Variants in CACNA2D1 observed in about 807,000 individuals in gnomAD.
The protein encoded by CACNA2D1 is voltage-dependent calcium channel subunit alpha-2/delta-1.
Under a neutral mutation model 171.5 loss-of-function variants are expected in CACNA2D1, and 53 were observed. That is an observed-to-expected ratio of 0.31 (90% confidence interval 0.25 to 0.39). The LOEUF (loss-of-function observed/expected upper bound fraction) is 0.39. Among genes scored for constraint, CACNA2D1 ranks in the 10% least tolerant of loss-of-function variants. CACNA2D1 has a pLI of 1.00. For synonymous variants in CACNA2D1, 442 were observed against 443.1 expected, an observed-to-expected ratio of 1.00 and a Z score of 0.03; for missense variants, 903 against 1,299.8, an observed-to-expected ratio of 0.69 and a Z score of 4.69.
At chr7:82,357,266 A>G (rs1820537359) in intron 1 of CACNA2D1, among the ~76,000 whole-genome samples, 1 of 152,118 alleles carries the variant, frequency 6.6e-6, no homozygotes, top group Admixed American at 6.5e-5. Context: ...TTCAAAACGA[A>G]AAAAATATGG....
chr7:82,240,343 A>G (rs902069310), intron 3 of CACNA2D1, among the ~76,000 whole-genome samples: 19 of 152,194 alleles, frequency 1.2e-4, no homozygotes, highest in Admixed American at 1.2e-3. Context: ...ATATCCCTTC[A>G]TCTTCTCCAT....
At chr7:81,990,718 G>C (rs1189202341) in intron 21 of CACNA2D1, among the ~76,000 whole-genome samples, 2 of 152,122 alleles carry the variant, frequency 1.3e-5, no homozygotes, top group African/African-American at 4.8e-5. Context: ...GTTTTAGGCT[G>C]TCCAACTTTC....
chr7:82,086,466 A>G (rs2129013433), intron 6 of CACNA2D1, among the ~76,000 whole-genome samples: 1 of 152,248 alleles, frequency 6.6e-6, no homozygotes, highest in Non-Finnish European at 1.5e-5. Context: ...CGTGCATCTG[A>G]GATACTAGAG....
intron 1 of CACNA2D1, among the ~76,000 whole-genome samples, chr7:82,397,918 G>T (rs4140790): frequency 0.13 from 19,929 of 152,078 alleles, 1,748 homozygotes; most frequent in Admixed American, 0.27. Flanking sequence ...AAGGGGAAAA[G>T]AGCAAACTGG....
At chr7:82,375,219 C>G (rs774658136) in intron 1 of CACNA2D1, among the ~76,000 whole-genome samples, 20 of 152,156 alleles carry the variant, frequency 1.3e-4, no homozygotes, top group Non-Finnish European at 2.5e-4. Flanking sequence ...TGCACACACA[C>G]TGAAACACTG....
intron 3 of CACNA2D1, among the ~76,000 whole-genome samples, chr7:82,238,943 G>T (rs1166526375): frequency 6.6e-6 from 1 of 152,012 alleles, no homozygotes; most frequent in Non-Finnish European, 1.5e-5. Context: ...ACCCAAGATA[G>T]ATATGCAACA....
chr7:82,034,355 CT>C (rs948060273), intron 11 of CACNA2D1, among the ~76,000 whole-genome samples: 25 of 152,104 alleles, frequency 1.6e-4, no homozygotes, highest in African/African-American at 6.0e-4. Flanking sequence ...CCCATTTTCC[CT>C]TGTGAAAATT....
chr7:82,152,495 T>C (rs896502351), intron 4 of CACNA2D1, among the ~76,000 whole-genome samples: 2 of 152,068 alleles, frequency 1.3e-5, no homozygotes, highest in African/African-American at 2.4e-5. Flanking sequence ...GTATAGTTAC[T>C]TGAAATTCAA....
intron 1 of CACNA2D1, among the ~76,000 whole-genome samples, chr7:82,366,384 C>A (rs1042626251): frequency 6.6e-6 from 1 of 152,122 alleles, no homozygotes; most frequent in Non-Finnish European, 1.5e-5. Context: ...CCTCTCTATC[C>A]CAACTCTAGT....
intron 1 of CACNA2D1, among the ~76,000 whole-genome samples, chr7:82,432,681 T>A (rs1422495114): frequency 6.6e-6 from 1 of 152,204 alleles, no homozygotes; most frequent in Non-Finnish European, 1.5e-5. Flanking sequence ...TTTCTTTTCT[T>A]GACAAGGATC....
intron 7 of CACNA2D1, among the ~76,000 whole-genome samples, chr7:82,078,013 T>TG (rs1196463828): frequency 2.0e-5 from 3 of 151,924 alleles, no homozygotes; most frequent in Non-Finnish European, 4.4e-5. Flanking sequence ...GCTACCTGTA[T>TG]GGAAAAAAAA....
intron 7 of CACNA2D1, among the ~76,000 whole-genome samples, chr7:82,075,686 T>C (rs1038918824): frequency 2.0e-5 from 3 of 152,154 alleles, no homozygotes; most frequent in South Asian, 2.1e-4. Flanking sequence ...ATGATGGTGA[T>C]AGTGATAGAT....
chr7:82,071,326 T>C (rs570119527), intron 7 of CACNA2D1, among the ~76,000 whole-genome samples: 5 of 152,192 alleles, frequency 3.3e-5, no homozygotes, highest in Non-Finnish European at 5.9e-5. Context: ...GATATCTTTG[T>C]ATTTCTTGCC....
intron 6 of CACNA2D1, among the ~76,000 whole-genome samples, chr7:82,102,433 T>A (rs1812785216): frequency 8.4e-6 from 1 of 118,700 alleles, no homozygotes; most frequent in Non-Finnish European, 1.9e-5. Context: ...AAATACCATA[T>A]TTGTTGTGTG....
intron 3 of CACNA2D1, among the ~76,000 whole-genome samples, chr7:82,176,953 A>G (rs1228836666): frequency 6.6e-6 from 1 of 152,016 alleles, no homozygotes; most frequent in East Asian, 1.9e-4. Context: ...CCTCTGCCAC[A>G]TGGAGAATAC....
chr7:82,154,934 G>A (rs1010416307), intron 4 of CACNA2D1, among the ~76,000 whole-genome samples: 1 of 152,064 alleles, frequency 6.6e-6, no homozygotes, highest in Non-Finnish European at 1.5e-5. Context: ...GGGGCCTGGT[G>A]AGAGGTGACT....
At chr7:81,958,768 T>C (rs573248293) in intron 38 of CACNA2D1, among the ~76,000 whole-genome samples, 3 of 151,862 alleles carry the variant, frequency 2.0e-5, no homozygotes, top group East Asian at 3.9e-4. Flanking sequence ...ATAATAGAAG[T>C]CTAATATGTG....
chr7:82,170,443 C>T, intron 4 of CACNA2D1, 107 bp downstream of exon 4: 1 of 953,860 alleles, frequency 1.0e-6, no homozygotes. Context: ...TTTTTAATCC[C>T]ACAACATCAT....
At chr7:82,058,492 T>C (rs1806216093) in intron 10 of CACNA2D1, among the ~76,000 whole-genome samples, 1 of 152,180 alleles carries the variant, frequency 6.6e-6, no homozygotes, top group African/African-American at 2.4e-5. Context: ...TAAAGCCAAA[T>C]AAGTATCTTT....
Sources: gnomAD v4.1 joint callset for allele counts (sites outside exome capture counted in the v4.1 genomes callset) on GRCh38, gnomAD v4.1.1 for gene constraint, MANE v1.5 for transcripts, NCBI Gene and HGNC (gene_info 2026-07-23, HGNC 2026-07-21) for gene names.